SMAD2: variants seen among roughly 807,000 people sequenced by gnomAD.
SMAD2 encodes SMAD family member 2, also known as MAD homolog 2.
A neutral mutation model predicts 64.4 loss-of-function variants in SMAD2; 8 were observed. The observed-to-expected ratio is 0.12, with a 90% CI of 0.07 to 0.22. The LOEUF (loss-of-function observed/expected upper bound fraction) is 0.22. SMAD2 is among the 10% of genes least tolerant of loss of function. The probability of loss-of-function intolerance (pLI) is 1.00; values close to 1 mark genes in which losing one functional copy is unlikely to be tolerated. For synonymous variants in SMAD2, 203 were observed against 195.8 expected (o/e 1.04, Z -0.31); for missense variants, 289 against 561.2 (o/e 0.51, Z 4.90).
intron 4 of SMAD2, 68 bp downstream of exon 4, chr18:47,869,175 A>G: frequency 8.8e-7 from 1 of 1,133,140 alleles, no homozygotes; most frequent in Admixed American, 1.8e-5. Flanking sequence ...GGGTCACAAG[A>G]GTACTTAAAT....
At chr18:47,909,068 TAA>T (rs74172082) in intron 1 of SMAD2, among the ~76,000 whole-genome samples, 364 of 136,844 alleles carry the variant, frequency 2.7e-3, no homozygotes, top group Admixed American at 3.6e-3. Flanking sequence ...GAACTACAGC[TAA>T]AAAAAAAAAA....
At position 47,834,758 on chromosome 18, in the gene SMAD2, A is replaced by G. The variant is rs970678439; in HGVS notation, c.*7069T>C. 1 of 221,202 alleles carries G rather than the reference A, an allele frequency of 4.5e-6. No individual in the cohort carries two copies. Among genetic ancestry groups the G allele is most frequent in the Non-Finnish European group, 9.1e-6 (1 of 110,468 alleles). The allele number at this position is 221,202 out of a possible 1,614,324, so 13.7% of individuals were successfully genotyped here. On this transcript the variant is annotated 3_prime_UTR_variant, in exon 11 of 11. Transcript: ENST00000262160. ...AGACAAATCTTCTAAAGGTTCTTCTAGCTTTGTCCAGTTATATGGTATTTT... is the reference window on the plus strand; with the variant it reads ...AGACAAATCTTCTAAAGGTTCTTCTGGCTTTGTCCAGTTATATGGTATTTT...
chr18:47,879,736 G>GTTTAGC (rs1294884417), intron 2 of SMAD2, among the ~76,000 whole-genome samples: 1 of 152,088 alleles, frequency 6.6e-6, no homozygotes, highest in East Asian at 1.9e-4. Context: ...ATAGATGCAT[G>GTTTAGC]TTTAGCTTTT....
At chr18:47,879,495 C>CGTGTGTGTGTGTGT (rs58440360) in intron 2 of SMAD2, among the ~76,000 whole-genome samples, 9,167 of 141,276 alleles carry the variant, frequency 0.065, 477 homozygotes, top group Admixed American at 0.15. Flanking sequence ...ATGTATATGA[C>CGTGTGTGTGTGTGT]GTGTGTGTGT....
At chr18:47,855,927 C>T (rs112162326) in intron 6 of SMAD2, among the ~76,000 whole-genome samples, 2,545 of 152,198 alleles carry the variant, frequency 0.017, 66 homozygotes, top group African/African-American at 0.057. Flanking sequence ...ACTCTTGCTG[C>T]TTTTATTCAC....
chr18:47,893,120 T>C (rs552460509), intron 2 of SMAD2, among the ~76,000 whole-genome samples: 1 of 152,356 alleles, frequency 6.6e-6, no homozygotes, highest in African/African-American at 2.4e-5. Flanking sequence ...ATGAAAAAGC[T>C]TCCTGAAATT....
At chr18:47,904,721 A>T in intron 1 of SMAD2, among the ~76,000 whole-genome samples, 1 of 152,232 alleles carries the variant, frequency 6.6e-6, no homozygotes, top group East Asian at 1.9e-4. Flanking sequence ...AATTGGTTTA[A>T]CATTCAAAAA....
At chr18:47,891,794 AAAGAC>A (rs1455551201) in intron 2 of SMAD2, among the ~76,000 whole-genome samples, 1 of 152,134 alleles carries the variant, frequency 6.6e-6, no homozygotes, top group Admixed American at 6.5e-5. Flanking sequence ...TTCAAAGAAA[AAAGAC>A]AAGAATAGTC....
At position 47,834,940 on chromosome 18, in the gene SMAD2, G is replaced by A. The variant is rs1371150862; in HGVS notation, c.*6887C>T. 1 of 223,548 alleles carries A rather than the reference G, an allele frequency of 4.5e-6. No individual in the cohort carries two copies. Among genetic ancestry groups the A allele is most frequent in the African/African-American group, 2.2e-5 (1 of 44,794 alleles). The allele number at this position is 223,548 out of a possible 1,614,324, so 13.8% of individuals were successfully genotyped here. A position where few individuals can be genotyped will look rare whatever the true frequency, so the allele number is the denominator to read the frequency against. ...ACAGCCCTCCGATTACAAAGGCCCA[G>A]AATGTTACTTTTAACTGTGCTCCAC... On this transcript the variant is annotated 3_prime_UTR_variant, in exon 11 of 11. Transcript: ENST00000262160.
intron 2 of SMAD2, among the ~76,000 whole-genome samples, chr18:47,876,208 A>C (rs1176304931): frequency 1.3e-5 from 2 of 152,080 alleles, no homozygotes; most frequent in African/African-American, 4.8e-5. Context: ...TCCTAAATTT[A>C]TTTGACCATC....
In SMAD2 at chr18:47,841,753, T is replaced by C. The variant is rs796233763; in HGVS notation, c.*74A>G. 77 of 1,572,360 alleles carry C rather than the reference T, an allele frequency of 4.9e-5. No homozygotes were observed. In the African/African-American group the frequency reaches 8.5e-4, roughly 17 times the overall value. ...GAACTTTTGGATAGTAAACAGTCCA[T>C]AGGGACCACACACAATGCTATGACA... On this transcript the variant is annotated 3_prime_UTR_variant, in exon 11 of 11. Transcript: ENST00000262160.
chr18:47,863,221 G>T, intron 6 of SMAD2, among the ~76,000 whole-genome samples: 1 of 152,128 alleles, frequency 6.6e-6, no homozygotes, highest in East Asian at 1.9e-4. Flanking sequence ...TCTTGCCATG[G>T]CCCCAAGAGA....
At chr18:47,871,788 T>C (rs2031947343) in intron 2 of SMAD2, among the ~76,000 whole-genome samples, 1 of 152,222 alleles carries the variant, frequency 6.6e-6, no homozygotes, top group South Asian at 2.1e-4. Flanking sequence ...ATGACATTAA[T>C]GGTTTATTTA....
Position 47,821,585 on chromosome 18 carries a change from T to A in SMAD2, c.*20242A>T, listed in dbSNP as rs760353640. 3.9e-5 allele frequency: 6 copies of A among 152,240 alleles called. No homozygotes were observed. Among genetic ancestry groups the A allele is most frequent in the Non-Finnish European group, 7.3e-5 (5 of 68,034 alleles). The allele number at this position is 152,240 out of a possible 1,614,324, so 9.4% of individuals were successfully genotyped here. A position where few individuals can be genotyped will look rare whatever the true frequency, so the allele number is the denominator to read the frequency against. On this transcript the variant is annotated 3_prime_UTR_variant, in exon 11 of 11. Coordinates refer to ENST00000262160, the MANE Select transcript of SMAD2 (RefSeq NM_005901.6). ...CGTACACTCATAACCTTGGAAATACTCTTCCTGTGTCTGATTAAATTCAAG... is the reference window on the plus strand; with the variant it reads ...CGTACACTCATAACCTTGGAAATACACTTCCTGTGTCTGATTAAATTCAAG...
chr18:47,900,584 T>C (rs2033644415), intron 1 of SMAD2, among the ~76,000 whole-genome samples: 1 of 152,198 alleles, frequency 6.6e-6, no homozygotes, highest in African/African-American at 2.4e-5. Context: ...CTTTGTCAAT[T>C]TTCTCTATGT....
At chr18:47,892,103 ATAAAGTGCTTCT>A (rs2033222734) in intron 2 of SMAD2, among the ~76,000 whole-genome samples, 1 of 152,206 alleles carries the variant, frequency 6.6e-6, no homozygotes, top group Non-Finnish European at 1.5e-5. Flanking sequence ...CATGATGATC[ATAAAGTGCTTCT>A]TAAATATGAT....
In SMAD2 at chr18:47,816,782, G is replaced by A. The variant is rs1912385884; in HGVS notation, c.*25045C>T. The A allele has an allele frequency of 8.6e-6, 1 of 115,898 alleles. No homozygotes were observed. Among genetic ancestry groups the A allele is most frequent in the Non-Finnish European group, 1.9e-5 (1 of 53,450 alleles). The allele number at this position is 115,898 out of a possible 1,614,324, so 7.2% of individuals were successfully genotyped here. The stretch of plus-strand genomic sequence containing the variant: ...CATGGGTCTTTTTTTTTTTTTTTTG[G>A]AGACGTAGTTTTGCACTGTCGCCCA... On this transcript the variant is annotated 3_prime_UTR_variant, in exon 11 of 11. Transcript: ENST00000262160.
At chr18:47,919,520 A>ACACACAC (rs1568117007) in intron 1 of SMAD2, among the ~76,000 whole-genome samples, 2 of 145,856 alleles carry the variant, frequency 1.4e-5, no homozygotes, top group African/African-American at 5.1e-5. Flanking sequence ...ACACACACAC[A>ACACACAC]AAGAATAGGA....
chr18:47,929,956 G>C (rs891765390), intron 1 of SMAD2, among the ~76,000 whole-genome samples: 2 of 152,000 alleles, frequency 1.3e-5, no homozygotes, highest in Non-Finnish European at 2.9e-5. Flanking sequence ...TGGAAAACCC[G>C]AGACTACCAC....
Sources: allele counts gnomAD v4.1 joint callset (sites outside exome capture counted in the v4.1 genomes callset), GRCh38; gene constraint gnomAD v4.1.1; transcripts MANE v1.5; gene names NCBI Gene and HGNC (gene_info 2026-07-23, HGNC 2026-07-21).